ZFHX3: variants seen among roughly 807,000 people sequenced by gnomAD.
ZFHX3 encodes zinc finger homeobox protein 3.
In ZFHX3, 42 loss-of-function variants were observed where a neutral mutation model predicts 279.1. The ratio of observed to expected loss-of-function variants is 0.15; its 90% CI spans 0.12 to 0.19. The LOEUF (loss-of-function observed/expected upper bound fraction) is 0.19, where lower values mean the gene tolerates loss of function less well. ZFHX3 is among the 10% of genes least tolerant of loss of function. The pLI is 1.00. For missense variants in ZFHX3, 4,981 were observed against 4,754.0 expected (o/e 1.05, Z -1.40); for synonymous variants, 2,293 against 1,957.8 (o/e 1.17, Z -4.52).
chr16:72,905,404 G>A (rs1239420160), intron 3 of ZFHX3, among the ~76,000 whole-genome samples: 1 of 152,050 alleles, frequency 6.6e-6, no homozygotes, highest in African/African-American at 2.4e-5. Flanking sequence ...AACTGAGTTG[G>A]TCCTCCTCAT....
At position 72,798,707 on chromosome 16, in the gene ZFHX3, T is replaced by A. The variant is rs145065310; in HGVS notation, c.3975A>T (p.Ser1325=). The A allele has an allele frequency of 1.2e-5, 18 of 1,531,516 alleles. No homozygotes were observed. The highest frequency in any genetic ancestry group is 1.8e-4 in the Middle Eastern group (1 of 5,678). The allele number at this position is 1,531,516 out of a possible 1,614,324, so 94.9% of individuals were successfully genotyped here. ...LEEAGKQPET[S]EDLGKNILPS... The stretch of plus-strand genomic sequence containing the variant: ...GCAAGATGTTCTTTCCCAGATCCTC[T>A]GAGGTTTCTGTTAAAAAAAAAAAAA... The change falls in exon 9 of 10, where the codon TCA becomes TCT. Residue 1325 remains serine (S), a synonymous_variant. Transcript: ENST00000268489.
intron 1 of ZFHX3, among the ~76,000 whole-genome samples, chr16:73,004,296 T>C (rs1963622997): frequency 6.8e-6 from 1 of 147,046 alleles, no homozygotes; most frequent in African/African-American, 2.5e-5. Context: ...CTGGCCTCCA[T>C]TTTTCTCTAT....
chr16:73,618,668 C>A (rs932690346), intron 2 of ZFHX3, among the ~76,000 whole-genome samples: 1 of 152,164 alleles, frequency 6.6e-6, no homozygotes, highest in Non-Finnish European at 1.5e-5. Context: ...CTGAAAAAGT[C>A]TCCTGTTGAT....
chr16:73,157,719 G>T (rs950749819), intron 5 of ZFHX3, among the ~76,000 whole-genome samples: 2 of 152,086 alleles, frequency 1.3e-5, no homozygotes, highest in African/African-American at 4.8e-5. Context: ...GTGTAATGTT[G>T]TTGGCCAAAT....
At chr16:73,681,603 C>A (rs145502253) in intron 1 of ZFHX3, among the ~76,000 whole-genome samples, 62 of 152,280 alleles carry the variant, frequency 4.1e-4, no homozygotes, top group Non-Finnish European at 8.4e-4. Context: ...AAGCACCTTG[C>A]TAACGGCTAA....
rs554617467 is a variant in ZFHX3, at chr16:73,129,741, T to G, written c.-897+1227A>C. On this transcript the variant is annotated intron_variant, in intron 7 of 17. Transcript: ENST00000641206. ...GTGTGTGTGTGTGTGTGTGTGTGTA[T>G]GCCCACTCGCCAATGTCTGTGCTCA... Among the ~76,000 whole-genome samples, 271 of 152,058 alleles carry G rather than the reference T, an allele frequency of 1.8e-3. 1 individual carries two copies. The highest frequency in any genetic ancestry group is 0.01 in the Middle Eastern group (3 of 294).
At chr16:73,377,972 G>A (rs906059200) in intron 3 of ZFHX3, among the ~76,000 whole-genome samples, 2 of 132,648 alleles carry the variant, frequency 1.5e-5, no homozygotes, top group African/African-American at 2.7e-5. Flanking sequence ...GGCGGAGCTT[G>A]CAGTGAGCCA....
At chr16:73,244,160 C>T (rs1442468637) in intron 5 of ZFHX3, among the ~76,000 whole-genome samples, 1 of 152,136 alleles carries the variant, frequency 6.6e-6, no homozygotes, top group East Asian at 1.9e-4. Context: ...TGGGAAGTGG[C>T]AGCACTGGTC....
Position 72,957,617 on chromosome 16 carries a change from T to C in ZFHX3, c.2529A>G (p.Gln843=). ...MLLQQNMTQI[Q]HNRHLGLGSL... ...TGCCGAGGCCCAGGTGGCGGTTGTG[T>C]TGGATCTGGGTCATGTTCTGTTGCA... Residue 843 remains glutamine, a synonymous_variant, in exon 2 of 10, where the codon CAA becomes CAG. Transcript: ENST00000268489. 6.2e-7 allele frequency: 1 copy of C among 1,614,112 alleles called. No homozygotes were observed.
chr16:73,176,999 C>T (rs1394800021), intron 5 of ZFHX3, among the ~76,000 whole-genome samples: 1 of 152,148 alleles, frequency 6.6e-6, no homozygotes, highest in Non-Finnish European at 1.5e-5. Context: ...ATTGGAGGCA[C>T]TTGGTCCAAT....
chr16:73,518,617 T>G (rs2019562258), intron 2 of ZFHX3, among the ~76,000 whole-genome samples: 1 of 152,172 alleles, frequency 6.6e-6, no homozygotes. Flanking sequence ...GACACAGGAA[T>G]TTTAAAGACC....
intron 7 of ZFHX3, among the ~76,000 whole-genome samples, chr16:73,105,929 A>ACCCCCCCCCCCCCC (rs34679627): frequency 2.3e-4 from 25 of 110,918 alleles, no homozygotes; most frequent in African/African-American, 2.8e-4. Context: ...ATGTACACGG[A>ACCCCCCCCCCCCCC]CCCCCTCCCC....
chr16:73,271,319 G>T (rs141688561), intron 4 of ZFHX3, among the ~76,000 whole-genome samples: 2 of 152,114 alleles, frequency 1.3e-5, no homozygotes, highest in Non-Finnish European at 2.9e-5. Flanking sequence ...GAGACCCTCC[G>T]ATTTCAGTGT....
intron 1 of ZFHX3, among the ~76,000 whole-genome samples, chr16:73,841,610 C>T (rs1303676776): frequency 6.6e-6 from 1 of 152,120 alleles, no homozygotes; most frequent in East Asian, 1.9e-4. Context: ...CCCCAGTGCA[C>T]GGACCACTAT....
intron 1 of ZFHX3, among the ~76,000 whole-genome samples, chr16:73,848,857 C>T (rs529044150): frequency 7.7e-4 from 117 of 152,322 alleles, no homozygotes; most frequent in African/African-American, 2.6e-3. Context: ...AGTTTTTACT[C>T]ATACGTACTT....
chr16:73,840,336 C>A (rs1480496081), intron 1 of ZFHX3, among the ~76,000 whole-genome samples: 2 of 152,160 alleles, frequency 1.3e-5, no homozygotes, highest in Non-Finnish European at 1.5e-5. Context: ...ACCACCATCA[C>A]AGAAAAGGCA....
At chr16:73,541,563 T>C (rs1037436075) in intron 2 of ZFHX3, among the ~76,000 whole-genome samples, 1 of 152,088 alleles carries the variant, frequency 6.6e-6, no homozygotes, top group Non-Finnish European at 1.5e-5. Flanking sequence ...TCCAATTCTA[T>C]TTATTTGGCA....
intron 3 of ZFHX3, among the ~76,000 whole-genome samples, chr16:73,357,924 A>G (rs1335315879): frequency 6.6e-6 from 1 of 152,116 alleles, no homozygotes; most frequent in Admixed American, 6.5e-5. Context: ...AGGAGAAGGA[A>G]AGGTACCCTG....
chr16:73,791,198 C>T (rs1010607952), intron 1 of ZFHX3, among the ~76,000 whole-genome samples: 1 of 151,932 alleles, frequency 6.6e-6, no homozygotes, highest in African/African-American at 2.4e-5. Context: ...TGCCTGGACT[C>T]AAGCAATCCT....
Sources: allele counts gnomAD v4.1 joint callset (sites outside exome capture counted in the v4.1 genomes callset), GRCh38; gene constraint gnomAD v4.1.1; transcripts MANE v1.5; gene names NCBI Gene and HGNC (gene_info 2026-07-23, HGNC 2026-07-21).